Variants in RXRA observed in about 807,000 individuals in gnomAD.
RXRA encodes the protein retinoic acid receptor RXR-alpha.
RXRA carries 5 observed loss-of-function variants against 44.5 expected under a neutral mutation model. That is an observed-to-expected ratio of 0.11 (90% CI 0.06 to 0.24). RXRA has a LOEUF of 0.24. RXRA is among the 10% of genes least tolerant of loss of function. The pLI, the probability that RXRA is intolerant of heterozygous loss-of-function variation, is 1.00. For missense variants in RXRA, 412 were observed against 646.5 expected (o/e 0.64, Z 3.93); for synonymous variants, 291 against 271.4 (o/e 1.07, Z -0.71).
At position 134,433,241 on chromosome 9, in the gene RXRA, C is replaced by T. The variant is rs962617326; in HGVS notation, c.1136-861C>T. ...TCGGAGGCTGAGTCATGCCACGGCC[C>T]GGCCCGGCCCGAGGAATCCCCATTC... On this transcript the variant is annotated intron_variant, in intron 8 of 9. Transcript: ENST00000481739. This position sits in a 1 kb window ranked among gnomAD's most constrained non-coding sequence, Gnocchi z 4.2. Among the ~76,000 whole-genome samples, 12 of 152,240 alleles carry T rather than the reference C, an allele frequency of 7.9e-5. No individual in the cohort carries two copies. Among genetic ancestry groups the T allele is most frequent in the African/African-American group, 1.4e-4 (6 of 41,550 alleles).
Position 134,408,198 on chromosome 9 carries a change from C to T in RXRA, c.329C>T (p.Pro110Leu), listed in dbSNP as rs1218698250. 6.2e-7 allele frequency: 1 copy of T among 1,607,294 alleles called. No individual in the cohort carries two copies. The highest frequency in any genetic ancestry group is 1.1e-5 in the South Asian group (1 of 90,368). The change falls in exon 3 of 10, where the codon CCC becomes CTC. Residue 110 changes from proline (P) to leucine (L), a missense_variant. By Grantham distance (98) the Pro-to-Leu change is moderately conservative. Around this residue, in one of 4 missense-constraint regions of RXRA, gnomAD observed 156 missense variants for 177.2 expected, o/e 0.88. Transcript: ENST00000481739. ...AGCAGCAGCGAGGACATCAAGCCCC[C>T]CCTGGGCCTCAATGGCGTCCTCAAG... ...PVSSSEDIKP[P>L]LGLNGVLKVP...
intron 5 of RXRA, among the ~76,000 whole-genome samples, chr9:134,419,436 CTG>C (rs1831291671): frequency 6.6e-6 from 1 of 152,214 alleles, no homozygotes; most frequent in African/African-American, 2.4e-5. Context: ...GGGGGTCTCT[CTG>C]TGCCCGCTCA....
At chr9:134,402,622 C>T (rs1240163031) in intron 2 of RXRA, 2 of 152,236 alleles carry the variant, frequency 1.3e-5, no homozygotes, top group Non-Finnish European at 2.9e-5. Flanking sequence ...TTGGAGAAGA[C>T]ACCCCGAGTA....
In RXRA at chr9:134,375,941, T is replaced by G. The variant is rs1025545439; in HGVS notation, c.29-25691T>G. On this transcript the variant is annotated intron_variant, in intron 1 of 9. Coordinates refer to ENST00000481739, the MANE Select transcript of RXRA (RefSeq NM_002957.6). ...AAAACAAGCTGCCGGCCGCCCTCCC[T>G]CCCTCCCTCCCTCTCTCTCTCTGCT... Among the ~76,000 whole-genome samples the G allele has an allele frequency of 4.2e-3, 164 of 38,722 alleles. 3 individuals carry two copies. The highest frequency in any genetic ancestry group is 0.011 in the Admixed American group (55 of 5,026). The allele number at this position is 38,722 out of a possible 152,430, so 25.4% of individuals were successfully genotyped here.
chr9:134,370,292 G>A lies in RXRA; in HGVS notation c.29-31340G>A, dbSNP rs144301309. ...CGCCGCTGCTGGGCAGTGTGACCTC[G>A]GGCAGGGCTGCGCTGAGCTTGGCAG... On this transcript the variant is annotated intron_variant, in intron 1 of 9. Coordinates refer to ENST00000481739, the MANE Select transcript of RXRA (RefSeq NM_002957.6). 7.2e-3 allele frequency among the ~76,000 whole-genome samples: 1,095 copies of A among 152,302 alleles called. 14 individuals are homozygous for A. The highest frequency in any genetic ancestry group is 0.025 in the African/African-American group (1,036 of 41,558).
chr9:134,370,927 A>C lies in RXRA; in HGVS notation c.29-30705A>C, dbSNP rs141412770. 8.3e-3 allele frequency among the ~76,000 whole-genome samples: 1,271 copies of C among 152,232 alleles called. 21 individuals are homozygous for C. The highest frequency in any genetic ancestry group is 0.03 in the African/African-American group (1,231 of 41,518). On this transcript the variant is annotated intron_variant, in intron 1 of 9. Transcript: ENST00000481739. ...ATCGCGGAAGGTGGGTGGTCAGCAG[A>C]GAGTACAGTGTCCCTTCTTCCACTG...
At chr9:134,360,995 G>C (rs1208246604) in intron 1 of RXRA, among the ~76,000 whole-genome samples, 1 of 152,214 alleles carries the variant, frequency 6.6e-6, no homozygotes, top group Non-Finnish European at 1.5e-5. Context: ...AGGAGGCCTG[G>C]AGAGCTTTTG....
chr9:134,420,661 A>G (rs1399216686), intron 5 of RXRA, among the ~76,000 whole-genome samples: 5 of 152,238 alleles, frequency 3.3e-5, no homozygotes, highest in Non-Finnish European at 5.9e-5. Context: ...TCTCCTTGGC[A>G]GATGCCCTGA....
At chr9:134,385,884 C>A (rs933575740) in intron 1 of RXRA, among the ~76,000 whole-genome samples, 15 of 152,268 alleles carry the variant, frequency 9.9e-5, no homozygotes, top group African/African-American at 3.6e-4. Flanking sequence ...GGCTGCCCAA[C>A]GTCCGGGCCT....
intron 5 of RXRA, among the ~76,000 whole-genome samples, chr9:134,419,315 G>C (rs529701614): frequency 8.5e-5 from 13 of 152,336 alleles, no homozygotes; most frequent in African/African-American, 3.1e-4. Context: ...ACATTATTTG[G>C]GGGGGAATCT....
chr9:134,413,062 G>A (rs1185347325), intron 4 of RXRA, among the ~76,000 whole-genome samples: 2 of 152,192 alleles, frequency 1.3e-5, no homozygotes, highest in African/African-American at 4.8e-5. Flanking sequence ...CTGTGGGAAG[G>A]GAGCCCCGGC....
chr9:134,349,489 C>T lies in RXRA; in HGVS notation c.28+22830C>T, dbSNP rs544593977. Among the ~76,000 whole-genome samples, 245 of 152,232 alleles carry T rather than the reference C, an allele frequency of 1.6e-3. No individual in the cohort carries two copies. Among genetic ancestry groups the T allele is most frequent in the Non-Finnish European group, 2.8e-3 (191 of 68,008 alleles). On this transcript the variant is annotated intron_variant, in intron 1 of 9. Coordinates refer to ENST00000481739, the MANE Select transcript of RXRA (RefSeq NM_002957.6). The surrounding 1 kb of genome is among the most constrained non-coding windows in gnomAD (Gnocchi z 4.3). The stretch of plus-strand genomic sequence containing the variant: ...TGGGGTCTTCAGCTGCCACACCTGG[C>T]AGTGGTGCTGCGGGGGTGGCTCGGC...
At position 134,342,650 on chromosome 9, in the gene RXRA, G is replaced by C. The variant is rs1554748228; in HGVS notation, c.28+15991G>C. Among the ~76,000 whole-genome samples the C allele has an allele frequency of 6.6e-6, 1 of 152,180 alleles. No homozygotes were observed. Among genetic ancestry groups the C allele is most frequent in the Non-Finnish European group, 1.5e-5 (1 of 68,016 alleles). On this transcript the variant is annotated intron_variant, in intron 1 of 9. Transcript: ENST00000481739. The surrounding 1 kb of genome is among the most constrained non-coding windows in gnomAD (Gnocchi z 4.4). ...GTGGTGGGGCTGCGGGGCTGCGGGA[G>C]GAGGCCCCTGTGGTTCCCACAGGGC...
At chr9:134,351,431 G>A (rs1451036715) in intron 1 of RXRA, among the ~76,000 whole-genome samples, 1 of 152,202 alleles carries the variant, frequency 6.6e-6, no homozygotes, top group African/African-American at 2.4e-5. Flanking sequence ...GCATTGCTCT[G>A]TTCCTCCAGA....
chr9:134,373,433 T>G (rs7038025), intron 1 of RXRA, among the ~76,000 whole-genome samples: 143,058 of 152,332 alleles, frequency 0.94, 67,279 homozygotes, highest in East Asian at 0.99. Flanking sequence ...AACCCTGTGT[T>G]TTCCCAGGCC....
rs1831430742 is a variant in RXRA, at chr9:134,426,113, T to A, written c.911-2995T>A. 9 of 985,294 alleles carry A rather than the reference T, an allele frequency of 9.1e-6. No homozygotes were observed. The highest frequency in any genetic ancestry group is 1.1e-5 in the Non-Finnish European group (9 of 829,888). The allele number at this position is 985,294 out of a possible 1,614,324, so 61.0% of individuals were successfully genotyped here. ...CCTTGGGAAGGGCCAGCCTCTTGAG[T>A]TGGAGGACATAGTGACCAAGGGAGC... On this transcript the variant is annotated intron_variant, in intron 6 of 9. Coordinates refer to ENST00000481739, the MANE Select transcript of RXRA (RefSeq NM_002957.6). This position sits in a 1 kb window ranked among gnomAD's most constrained non-coding sequence, Gnocchi z 4.6.
At chr9:134,369,569 G>T (rs1830465888) in intron 1 of RXRA, among the ~76,000 whole-genome samples, 1 of 151,728 alleles carries the variant, frequency 6.6e-6, no homozygotes, top group African/African-American at 2.4e-5. Flanking sequence ...GCCTCCGGGG[G>T]CTTCTTGGAT....
Position 134,408,170 on chromosome 9 carries a change from G to A in RXRA, c.301G>A (p.Val101Ile), listed in dbSNP as rs137938878. ...SPQLSSPMNP[V>I]SSSEDIKPPL... ...CCAGCTCAGCTCACCTATGAACCCC[G>A]TCAGCAGCAGCGAGGACATCAAGCC... is the stretch of plus-strand genomic sequence containing the variant. The change falls in exon 3 of 10, where the codon GTC becomes ATC. Residue 101 changes from valine to isoleucine, a missense_variant. This residue lies in a region of RXRA where 156 missense variants were observed against 177.2 expected (regional missense o/e 0.88). Coordinates refer to ENST00000481739, the MANE Select transcript of RXRA (RefSeq NM_002957.6). 121 of 1,584,854 alleles carry A rather than the reference G, an allele frequency of 7.6e-5. No individual in the cohort carries two copies. The highest frequency in any genetic ancestry group is 5.4e-4 in the South Asian group (47 of 86,966).
intron 2 of RXRA, chr9:134,403,437 G>A (rs1830996150): frequency 6.6e-6 from 1 of 152,312 alleles, no homozygotes; most frequent in African/African-American, 2.4e-5. Flanking sequence ...TTGGCAGCAT[G>A]GTGCCCTGTG....
Sources: gnomAD v4.1 joint callset for allele counts (sites outside exome capture counted in the v4.1 genomes callset) on GRCh38, gnomAD v4.1.1 for gene constraint, gnomAD v4.1.1 regional missense constraint, Gnocchi (gnomAD v3.1) non-coding constraint, MANE v1.5 for transcripts, NCBI Gene and HGNC (gene_info 2026-07-23, HGNC 2026-07-21) for gene names.